The following TMEM260 variants were observed in gnomAD, a reference collection of about 807,000 sequenced individuals.
TMEM260 encodes protein O-mannosyl-transferase TMEM260.
Under a neutral mutation model 88.9 loss-of-function variants are expected in TMEM260, and 82 were observed. The ratio of observed to expected loss-of-function variants is 0.92; its 90% CI spans 0.77 to 1.11. The LOEUF is 1.11. TMEM260 is among the 50% of genes least tolerant of loss of function. The probability of loss-of-function intolerance (pLI) is 0.00; values close to 1 mark genes in which losing one functional copy is unlikely to be tolerated. For synonymous variants in TMEM260, 314 were observed against 309.3 expected (o/e 1.02, Z -0.16); for missense variants, 902 against 853.4 (o/e 1.06, Z -0.71).
In TMEM260 at chr14:56,609,224, A is replaced by G. The variant is rs749171841; in HGVS notation, c.755A>G (p.Gln252Arg). The change falls in exon 6 of 16, where the codon CAG becomes CGG. Residue 252 changes from glutamine to arginine, a missense_variant. Physicochemically the swap from Gln to Arg is conservative, Grantham distance 43. Coordinates refer to ENST00000261556, the MANE Select transcript of TMEM260 (RefSeq NM_017799.4). ...CACGCCCGGTGGACCTGGGGAGACC[A>G]GACAACACTGCAAGGATTTTTGACA... is the stretch of plus-strand genomic sequence containing the variant. Reference protein sequence around the residue: ...LNHARWTWGDQTTLQGFLTHF... With the variant: ...LNHARWTWGDRTTLQGFLTHF... The G allele has an allele frequency of 1.2e-6, 2 of 1,614,196 alleles. No homozygotes were observed. The highest frequency in any genetic ancestry group is 1.1e-5 in the South Asian group (1 of 91,084).
chr14:56,661,534 AGGAGGGAGGGAG>A, the TMEM260 span, among the ~76,000 whole-genome samples: 5 of 107,806 alleles, frequency 4.6e-5, no homozygotes, highest in Non-Finnish European at 7.1e-5. Context: ...GAAGGAGGAA[AGGAGGGAGGGAG>A]GGAGGGAGGG....
At position 56,585,137 on chromosome 14, in the gene TMEM260, C is replaced by G. The variant is rs182116911; in HGVS notation, c.192+105C>G. The stretch of plus-strand genomic sequence containing the variant: ...AAAGTAGATTAATTTATTTTCAAAC[C>G]CCCGTTTTTAGTAACTTATAAGTAC... On this transcript the variant is annotated intron_variant, in intron 2 of 15. Coordinates refer to ENST00000261556, the MANE Select transcript of TMEM260 (RefSeq NM_017799.4). 2.9e-5 allele frequency: 31 copies of G among 1,070,396 alleles called. No homozygotes were observed. The African/African-American group carries it at 4.6e-4, about 16-fold the overall frequency. 66.3% of individuals were successfully genotyped at this position (1,070,396 alleles called of 1,614,324 possible).
chr14:56,656,478 G>A, the TMEM260 span, among the ~76,000 whole-genome samples: 2 of 152,052 alleles, frequency 1.3e-5, no homozygotes, highest in African/African-American at 4.8e-5. Context: ...CTGTAGAATG[G>A]AAATATAATA....
intron 3 of TMEM260, among the ~76,000 whole-genome samples, chr14:56,592,743 A>C (rs1885943839): frequency 6.6e-6 from 1 of 152,198 alleles, no homozygotes; most frequent in Admixed American, 6.5e-5. Flanking sequence ...ATGAATTGAC[A>C]CTAATAGTAA....
At chr14:56,625,324 T>C in intron 11 of TMEM260, 58 bp from the exon 12 acceptor site, 1 of 1,574,458 alleles carries the variant, frequency 6.4e-7, no homozygotes, top group Admixed American at 1.9e-5. Context: ...CTTGATAAAC[T>C]TGATTCTTTC....
At position 56,621,565 on chromosome 14, in the gene TMEM260, A is replaced by C. The variant is rs146425700; in HGVS notation, c.1261A>C (p.Lys421Gln). The part of the protein sequence containing the change: ...CDQRTNYVID[K>Q]FAKNLLTSMP... ...CCAAAGGACCAACTATGTGATTGAT[A>C]AGTTCGCAAAGAACCTTCTCACCTC... Residue 421 changes from lysine (K) to glutamine (Q), a missense_variant, in exon 11 of 16, where the codon AAG (lysine) becomes CAG (glutamine). By Grantham distance (53) the Lys-to-Gln change is moderately conservative (BLOSUM62 1). Coordinates refer to ENST00000261556, the MANE Select transcript of TMEM260 (RefSeq NM_017799.4). The C allele has an allele frequency of 1.9e-6, 3 of 1,609,332 alleles. No homozygotes were observed. In the African/African-American group the frequency reaches 4.0e-5, roughly 21 times the overall value.
rs183830768 is a variant in TMEM260, at chr14:56,643,693, T to C, written c.1870-3550T>C. On this transcript the variant is annotated intron_variant, in intron 15 of 15. Transcript: ENST00000261556. ...GGCAGGAGAAGGAAATAAAGGGCAT[T>C]CGATTAGGAAAAGAGGAAGTCAAAT... 4.7e-3 allele frequency among the ~76,000 whole-genome samples: 713 copies of C among 152,240 alleles called. 7 individuals carry two copies. Among genetic ancestry groups the C allele is most frequent in the African/African-American group, 0.016 (675 of 41,540 alleles).
chr14:56,615,209 C>G (rs149220034), intron 7 of TMEM260, among the ~76,000 whole-genome samples: 2 of 152,216 alleles, frequency 1.3e-5, no homozygotes, highest in East Asian at 3.9e-4. Flanking sequence ...ATCACATTTT[C>G]TCCAGTAAAA....
downstream of TMEM260, among the ~76,000 whole-genome samples, chr14:56,653,202 C>A (rs1195511727): frequency 2.0e-5 from 3 of 149,808 alleles, no homozygotes; most frequent in African/African-American, 7.4e-5. Context: ...GACTCTGTTT[C>A]AAAAAAAATA....
Position 56,621,693 on chromosome 14 carries a change from G to A in TMEM260, c.1389G>A (p.Val463=). ...GGTTGAGGCCTGACATTTCATTAGT[G>A]GATCAGGAAGTAAGTATATGAAAAA... is the stretch of plus-strand genomic sequence containing the variant. The part of the protein sequence containing the change: ...CEGLRPDISL[V]DQEMMTYEWY... The change falls in exon 11 of 16, where the codon GTG becomes GTA. Residue 463 remains valine (V), a synonymous_variant. Transcript: ENST00000261556. The A allele has an allele frequency of 6.2e-7, 1 of 1,605,962 alleles. No homozygotes were observed. The highest frequency in any genetic ancestry group is 1.7e-5 in the Admixed American group (1 of 58,158).
chr14:56,651,988 G>C (rs925878516), downstream of TMEM260, among the ~76,000 whole-genome samples: 2 of 152,216 alleles, frequency 1.3e-5, no homozygotes, highest in Admixed American at 6.5e-5. Context: ...GAAGGTACTT[G>C]ATATTTCTCT....
At chr14:56,597,558 G>A (rs1314232589) in intron 3 of TMEM260, among the ~76,000 whole-genome samples, 5 of 152,068 alleles carry the variant, frequency 3.3e-5, no homozygotes, top group East Asian at 1.9e-4. Flanking sequence ...CATGATGAGG[G>A]GCTTATATTA....
At chr14:56,587,347 C>CT (rs1885569283) in intron 3 of TMEM260, among the ~76,000 whole-genome samples, 1 of 151,864 alleles carries the variant, frequency 6.6e-6, no homozygotes, top group Non-Finnish European at 1.5e-5. Flanking sequence ...TTTTCTAAAA[C>CT]TTTTCCATGT....
rs1237262240 is a variant in TMEM260 at position 56,579,834 on chromosome 14, C to T, written c.-81C>T. Reference sequence around the variant, plus strand: ...CGCCGTGGCCGCCGCACAAGCTGCGCTCGTCTCTCGGCTGGGGAGCTCCGT... The same window carrying T: ...CGCCGTGGCCGCCGCACAAGCTGCGTTCGTCTCTCGGCTGGGGAGCTCCGT... On this transcript the variant is annotated 5_prime_UTR_variant, in exon 1 of 16. Transcript: ENST00000261556. 3 of 1,197,974 alleles carry T rather than the reference C, an allele frequency of 2.5e-6. No individual in the cohort carries two copies. Among genetic ancestry groups the T allele is most frequent in the Admixed American group, 4.2e-5 (1 of 23,620 alleles). The allele number at this position is 1,197,974 out of a possible 1,614,324, so 74.2% of individuals were successfully genotyped here. A position where few individuals can be genotyped will look rare whatever the true frequency, so the allele number is the denominator to read the frequency against.
At chr14:56,641,684 A>G (rs1594897614) in intron 15 of TMEM260, among the ~76,000 whole-genome samples, 1 of 152,356 alleles carries the variant, frequency 6.6e-6, no homozygotes, top group African/African-American at 2.4e-5. Context: ...TTAAATGTAA[A>G]TGGGCTAAAT....
At chr14:56,637,386 C>T (rs948755303) in intron 15 of TMEM260, among the ~76,000 whole-genome samples, 4 of 152,098 alleles carry the variant, frequency 2.6e-5, no homozygotes, top group Non-Finnish European at 5.9e-5. Flanking sequence ...TAACTGTGGC[C>T]CCAGGAAGCC....
chr14:56,645,768 T>C (rs1005003755), intron 15 of TMEM260, among the ~76,000 whole-genome samples: 8 of 152,168 alleles, frequency 5.3e-5, no homozygotes, highest in Admixed American at 1.3e-4. Context: ...TGAGGCAACA[T>C]GCTACAGCCT....
Position 56,647,240 on chromosome 14 carries a change from T to G in TMEM260, c.1870-3T>G. On this transcript the variant is annotated splice_polypyrimidine_tract_variant and splice_region_variant and intron_variant, in intron 15 of 15. Transcript: ENST00000261556. ...GAATACCAACATTTCTGCTGTTTTC[T>G]AGCTTTATAAGGAGATTGTCTATTT... 1 of 1,600,396 alleles carries G rather than the reference T, an allele frequency of 6.2e-7. No individual in the cohort carries two copies. The highest frequency in any genetic ancestry group is 2.2e-5 in the East Asian group (1 of 44,550).
chr14:56,584,750 A>AT (rs1016092669), intron 1 of TMEM260, among the ~76,000 whole-genome samples: 1 of 152,148 alleles, frequency 6.6e-6, no homozygotes, highest in Non-Finnish European at 1.5e-5. Context: ...GAAAATAAGC[A>AT]TTTTTTAAAG....
Sources: gnomAD v4.1 joint callset for allele counts (sites outside exome capture counted in the v4.1 genomes callset) on GRCh38, gnomAD v4.1.1 for gene constraint, MANE v1.5 for transcripts, NCBI Gene and HGNC (gene_info 2026-07-23, HGNC 2026-07-21) for gene names.